CLCN5: variants seen among roughly 807,000 people sequenced by gnomAD.
CLCN5 encodes the protein H(+)/Cl(-) exchange transporter 5.
CLCN5 carries 17 observed loss-of-function variants against 54.0 expected under a neutral mutation model. The observed-to-expected ratio is 0.31, with a 90% CI of 0.22 to 0.47. The LOEUF (loss-of-function observed/expected upper bound fraction) is 0.47. Among genes scored for constraint, CLCN5 ranks in the 20% least tolerant of loss-of-function variants. The probability of loss-of-function intolerance (pLI) is 1.00; values close to 1 mark genes in which losing one functional copy is unlikely to be tolerated. For synonymous variants in CLCN5, 222 were observed against 233.0 expected, an observed-to-expected ratio of 0.95 and a Z score of 0.43; for missense variants, 448 against 646.7, an observed-to-expected ratio of 0.69 and a Z score of 3.33.
chrX:50,048,218 C>T (rs945822080), intron 4 of CLCN5, among the ~76,000 whole-genome samples: 7 of 112,409 alleles, frequency 6.2e-5, no homozygotes, highest in South Asian at 3.7e-4. Context: ...AAATAAGGTT[C>T]GTGCTCCTCT....
chrX:49,956,477 ATTG>A (rs369233259), intron 3 of CLCN5, among the ~76,000 whole-genome samples: 183 of 112,272 alleles, frequency 1.6e-3, no homozygotes, highest in African/African-American at 5.4e-3. Flanking sequence ...CTACTAGCCT[ATTG>A]TTGTTGCTTT....
intron 3 of CLCN5, among the ~76,000 whole-genome samples, chrX:50,041,210 G>A (rs1478361833): frequency 9.0e-6 from 1 of 110,859 alleles, no homozygotes; most frequent in East Asian, 2.8e-4. Flanking sequence ...TGACAACCTA[G>A]GAAAAGAAGT....
At chrX:49,959,141 G>A (rs1032609804) in intron 3 of CLCN5, among the ~76,000 whole-genome samples, 1 of 111,222 alleles carries the variant, frequency 9.0e-6, no homozygotes, top group East Asian at 2.8e-4. Context: ...GGTTCACTGT[G>A]GTCTCTTGTA....
intron 4 of CLCN5, among the ~76,000 whole-genome samples, chrX:50,067,232 G>A (rs969252041): frequency 9.8e-5 from 11 of 111,720 alleles, no homozygotes; most frequent in African/African-American, 3.3e-4. Flanking sequence ...CTTTCACTCA[G>A]CATTAGGTTT....
chrX:49,991,759 C>T (rs187910263), intron 3 of CLCN5, among the ~76,000 whole-genome samples: 17 of 112,026 alleles, frequency 1.5e-4, no homozygotes, highest in East Asian at 5.6e-4. Context: ...AATCCAGTTA[C>T]AGCTCCATGA....
chrX:50,060,018 T>A (rs1557189606), intron 4 of CLCN5, among the ~76,000 whole-genome samples: 1 of 105,493 alleles, frequency 9.5e-6, no homozygotes, highest in Non-Finnish European at 1.9e-5. Flanking sequence ...CTTCAGATAC[T>A]GTTACAGGTA....
At chrX:49,942,041 AGTC>A (rs1189725588) in intron 3 of CLCN5, among the ~76,000 whole-genome samples, 2 of 103,158 alleles carry the variant, frequency 1.9e-5, no homozygotes, top group Admixed American at 2.2e-4. Flanking sequence ...GTGGCACAGT[AGTC>A]AGGGCATTTC....
rs1933652282 is a variant in CLCN5 at position 50,080,591 on chromosome X, C to T, written c.604-3C>T. 2 of 1,208,172 alleles carry T rather than the reference C, an allele frequency of 1.7e-6. No individual in the cohort carries two copies. The highest frequency in any genetic ancestry group is 3.5e-5 in the South Asian group (2 of 56,660). Reference sequence around the variant, plus strand: ...AACAAGCTTCTTTTTCCCCCTGTTCCAGGGAGCCTTTGCCTACATAGTCAA... The same window carrying T: ...AACAAGCTTCTTTTTCCCCCTGTTCTAGGGAGCCTTTGCCTACATAGTCAA... On this transcript the variant is annotated splice_region_variant and splice_polypyrimidine_tract_variant and intron_variant, in intron 7 of 14. Transcript: ENST00000376091.
intron 3 of CLCN5, among the ~76,000 whole-genome samples, chrX:50,036,868 A>G (rs905644718): frequency 8.9e-6 from 1 of 112,084 alleles, no homozygotes; most frequent in Non-Finnish European, 1.9e-5. Flanking sequence ...AAACTTACTG[A>G]ATTGTGCTAC....
intron 3 of CLCN5, among the ~76,000 whole-genome samples, chrX:50,007,406 TC>T (rs1557181563): frequency 3.8e-4 from 35 of 93,043 alleles, no homozygotes; most frequent in Non-Finnish European, 4.6e-4. Context: ...TTTCTCTCTC[TC>T]TCTCTCTCTC....
intron 3 of CLCN5, among the ~76,000 whole-genome samples, chrX:49,930,734 G>A (rs1486630791): frequency 9.0e-6 from 1 of 111,433 alleles, no homozygotes; most frequent in Non-Finnish European, 1.9e-5. Context: ...ATATTCATGG[G>A]TGTCATATTC....
At chrX:50,080,987 T>G (rs782304700) in intron 8 of CLCN5, among the ~76,000 whole-genome samples, 7 of 111,374 alleles carry the variant, frequency 6.3e-5, no homozygotes, top group Non-Finnish European at 1.1e-4. Context: ...GCTTCCAGAG[T>G]ATATCCCAAG....
chrX:50,077,550 A>C (rs1933455000), intron 7 of CLCN5, among the ~76,000 whole-genome samples: 1 of 104,853 alleles, frequency 9.5e-6, no homozygotes, highest in Admixed American at 1.0e-4. Context: ...AGGAGAACTT[A>C]GGTAGAAAAG....
intron 4 of CLCN5, among the ~76,000 whole-genome samples, chrX:50,059,506 T>C (rs1932817667): frequency 9.0e-6 from 1 of 111,623 alleles, no homozygotes; most frequent in Non-Finnish European, 1.9e-5. Context: ...TAAAAGTTGG[T>C]AAGAATTTCT....
chrX:49,974,495 T>C (rs782798847), intron 3 of CLCN5, among the ~76,000 whole-genome samples: 2 of 110,855 alleles, frequency 1.8e-5, no homozygotes, highest in Non-Finnish European at 3.8e-5. Context: ...TTGACTAATA[T>C]TGAAGTGCAC....
chrX:49,995,131 G>A (rs1317702325), intron 3 of CLCN5, among the ~76,000 whole-genome samples: 1 of 111,733 alleles, frequency 8.9e-6, no homozygotes, highest in Non-Finnish European at 1.9e-5. Context: ...GGCGGCATTT[G>A]TCATTCTAGT....
chrX:49,965,633 A>G (rs1927803485), intron 3 of CLCN5, among the ~76,000 whole-genome samples: 1 of 111,684 alleles, frequency 9.0e-6, no homozygotes, highest in African/African-American at 3.2e-5. Flanking sequence ...CCCACTGGCT[A>G]GAACCTCCGA....
chrX:50,095,631 G>A lies in CLCN5; in HGVS notation c.*3412G>A, dbSNP rs1475275577. 1 of 112,819 alleles carries A rather than the reference G, an allele frequency of 8.9e-6. No homozygotes were observed. Among genetic ancestry groups the A allele is most frequent in the Admixed American group, 9.3e-5 (1 of 10,704 alleles). The allele number at this position is 112,819 out of a possible 1,213,427, so 9.3% of individuals were successfully genotyped here. A position where few individuals can be genotyped will look rare whatever the true frequency, so the allele number is the denominator to read the frequency against. ...CTAAACCCTTTACAGGAAGAGCAGA[G>A]CATACTATACATTTCTTAGCAGATC... On this transcript the variant is annotated 3_prime_UTR_variant, in exon 15 of 15. Coordinates refer to ENST00000376091, the MANE Select transcript of CLCN5 (RefSeq NM_001127898.4).
At chrX:50,032,797 T>C (rs1162088621) in intron 3 of CLCN5, among the ~76,000 whole-genome samples, 1 of 109,619 alleles carries the variant, frequency 9.1e-6, no homozygotes, top group Non-Finnish European at 1.9e-5. Flanking sequence ...TCCTTGCCCA[T>C]GCCTATGTCC....
Sources: allele counts gnomAD v4.1 joint callset (sites outside exome capture counted in the v4.1 genomes callset), GRCh38; gene constraint gnomAD v4.1.1; transcripts MANE v1.5; gene names NCBI Gene and HGNC (gene_info 2026-07-23, HGNC 2026-07-21).